The following RBMS3 variants were observed in gnomAD, a reference collection of about 807,000 sequenced individuals.
The protein encoded by RBMS3 is RNA binding motif single stranded interacting protein 3, also known as RNA-binding motif, single-stranded-interacting protein 3.
Under a neutral mutation model 66.8 loss-of-function variants are expected in RBMS3, and 27 were observed. The ratio of observed to expected loss-of-function variants is 0.40; its 90% CI spans 0.30 to 0.56. RBMS3 has a LOEUF of 0.56. Ranked by LOEUF, RBMS3 falls within the 20% of genes least tolerant of loss-of-function variation. The pLI, the probability that RBMS3 is intolerant of heterozygous loss-of-function variation, is 0.40. For synonymous variants in RBMS3, 188 were observed against 183.0 expected, an observed-to-expected ratio of 1.03 and a Z score of -0.22; for missense variants, 513 against 549.5, an observed-to-expected ratio of 0.93 and a Z score of 0.66.
chr3:29,679,660 T>C (rs1450273903), intron 4 of RBMS3, among the ~76,000 whole-genome samples: 1 of 152,020 alleles, frequency 6.6e-6, no homozygotes, highest in Non-Finnish European at 1.5e-5. Context: ...TCCTACTCCT[T>C]TGGAATTTTA....
At chr3:29,726,915 C>T (rs1022941916) in intron 4 of RBMS3, among the ~76,000 whole-genome samples, 22 of 152,102 alleles carry the variant, frequency 1.4e-4, no homozygotes, top group African/African-American at 5.1e-4. Flanking sequence ...CAAGACAATC[C>T]TAAGCAAAAT....
At chr3:29,771,085 A>C (rs1171959811) in intron 6 of RBMS3, among the ~76,000 whole-genome samples, 1 of 152,056 alleles carries the variant, frequency 6.6e-6, no homozygotes, top group Non-Finnish European at 1.5e-5. Context: ...GAGAAATGTG[A>C]ATGAAAACAG....
At chr3:29,913,291 T>C (rs1238494050) in intron 10 of RBMS3, among the ~76,000 whole-genome samples, 2 of 152,008 alleles carry the variant, frequency 1.3e-5, no homozygotes, top group Non-Finnish European at 1.5e-5. Flanking sequence ...AATTACTCAA[T>C]ATGTTCAGCA....
intron 6 of RBMS3, among the ~76,000 whole-genome samples, chr3:29,857,806 C>T (rs1053866561): frequency 5.3e-5 from 8 of 152,066 alleles, no homozygotes; most frequent in Non-Finnish European, 1.2e-4. Flanking sequence ...TGGCTGTAGA[C>T]ATCCTGACCT....
chr3:29,930,314 G>A (rs1261995107), intron 10 of RBMS3, among the ~76,000 whole-genome samples: 1 of 151,014 alleles, frequency 6.6e-6, no homozygotes, highest in East Asian at 2.0e-4. Flanking sequence ...GGGTTTCACC[G>A]TGTTAGCCAG....
chr3:29,622,547 T>A (rs2048903466), intron 4 of RBMS3, among the ~76,000 whole-genome samples: 1 of 152,228 alleles, frequency 6.6e-6, no homozygotes, highest in Non-Finnish European at 1.5e-5. Flanking sequence ...TTCTATCAGA[T>A]GAAATGTACA....
At position 29,369,741 on chromosome 3, in the gene RBMS3, G is replaced by C. The variant is rs1487287231; in HGVS notation, c.76-65002G>C. Among the ~76,000 whole-genome samples the C allele has an allele frequency of 3.3e-5, 5 of 152,046 alleles. No homozygotes were observed. The East Asian group carries it at 5.8e-4, about 18-fold the overall frequency. On this transcript the variant is annotated intron_variant, in intron 1 of 14. Transcript: ENST00000383767. ...AAATATGGGGAACTAATGTGGAATA[G>C]ATTATTGATCCTAGAAATAAATGTA...
intron 1 of RBMS3, among the ~76,000 whole-genome samples, chr3:29,406,087 C>T (rs1171696558): frequency 6.6e-6 from 1 of 152,174 alleles, no homozygotes; most frequent in Non-Finnish European, 1.5e-5. Context: ...TAAAGTTATA[C>T]TGTCAGTCAT....
intron 10 of RBMS3, among the ~76,000 whole-genome samples, chr3:29,935,819 C>T (rs972498868): frequency 6.6e-6 from 1 of 151,910 alleles, no homozygotes; most frequent in Non-Finnish European, 1.5e-5. Flanking sequence ...ATACATTCTA[C>T]CTCAAAAAAT....
intron 4 of RBMS3, among the ~76,000 whole-genome samples, chr3:29,650,592 C>A (rs927593221): frequency 1.3e-5 from 2 of 152,132 alleles, no homozygotes; most frequent in East Asian, 1.9e-4. Flanking sequence ...CACGCCTGGC[C>A]TCCTTCTTTG....
chr3:29,877,685 G>A (rs946409810), intron 7 of RBMS3, among the ~76,000 whole-genome samples: 1 of 152,144 alleles, frequency 6.6e-6, no homozygotes, highest in African/African-American at 2.4e-5. Context: ...CTACTGTACA[G>A]GGTTGACTGC....
chr3:29,528,139 GTCTC>G (rs2045208430), intron 3 of RBMS3, among the ~76,000 whole-genome samples: 3 of 131,096 alleles, frequency 2.3e-5, no homozygotes, highest in African/African-American at 8.9e-5. Flanking sequence ...TTGAGATATG[GTCTC>G]TCTCTGTCAC....
intron 1 of RBMS3, among the ~76,000 whole-genome samples, chr3:29,374,261 G>T (rs1008923257): frequency 2.0e-5 from 3 of 152,190 alleles, no homozygotes; most frequent in African/African-American, 7.2e-5. Context: ...TTTATAAGGA[G>T]AATATATCAG....
intron 4 of RBMS3, among the ~76,000 whole-genome samples, chr3:29,687,425 C>T (rs1200189634): frequency 1.3e-5 from 2 of 152,300 alleles, no homozygotes; most frequent in Non-Finnish European, 1.5e-5. Context: ...ACAAGGTTAT[C>T]TAGGCAGTTA....
At chr3:29,987,574 A>G (rs950416868) in intron 12 of RBMS3, among the ~76,000 whole-genome samples, 2 of 152,202 alleles carry the variant, frequency 1.3e-5, no homozygotes, top group East Asian at 1.9e-4. Flanking sequence ...AGAGACTTCA[A>G]TATTATCTGT....
intron 3 of RBMS3, among the ~76,000 whole-genome samples, chr3:29,527,243 C>CTAAA (rs2148986108): frequency 7.3e-6 from 1 of 137,866 alleles, no homozygotes; most frequent in East Asian, 2.3e-4. Context: ...GAGAACTATG[C>CTAAA]TAAATAGTAC....
At chr3:29,435,080 G>A in intron 2 of RBMS3, 165 bp downstream of exon 2, 1 of 776,826 alleles carries the variant, frequency 1.3e-6, no homozygotes, top group Non-Finnish European at 2.0e-6. Flanking sequence ...TTTATTTTGG[G>A]GAGTGGAATT....
At chr3:29,514,780 A>ATATATACGATAGGCATATATATG (rs1285658493) in intron 3 of RBMS3, among the ~76,000 whole-genome samples, 2 of 150,080 alleles carry the variant, frequency 1.3e-5, no homozygotes, top group African/African-American at 4.9e-5. Context: ...ATAGGCATAT[A>ATATATACGATAGGCATATATATG]TATATATGAT....
chr3:29,807,116 CG>C (rs1553674531), intron 6 of RBMS3, among the ~76,000 whole-genome samples: 1 of 151,772 alleles, frequency 6.6e-6, no homozygotes, highest in Non-Finnish European at 1.5e-5. Flanking sequence ...AAAAACATGA[CG>C]GGGCTGTAAC....
Sources: gnomAD v4.1 joint callset for allele counts (sites outside exome capture counted in the v4.1 genomes callset) on GRCh38, gnomAD v4.1.1 for gene constraint, MANE v1.5 for transcripts, NCBI Gene and HGNC (gene_info 2026-07-23, HGNC 2026-07-21) for gene names.